The following EP400 variants were observed in gnomAD, a reference collection of about 807,000 sequenced individuals.
EP400 encodes E1A-binding protein p400.
In EP400, 105 loss-of-function variants were observed where a neutral mutation model predicts 354.1. That is an observed-to-expected ratio of 0.30 (90% CI 0.25 to 0.35). The LOEUF is 0.35. Ranked by LOEUF, EP400 falls within the 10% of genes least tolerant of loss-of-function variation. The pLI is 1.00. For synonymous variants in EP400, 1,646 were observed against 1,716.9 expected (o/e 0.96, Z 1.02); for missense variants, 3,280 against 4,121.0 (o/e 0.80, Z 5.59).
At position 132,055,006 on chromosome 12, in the gene EP400, G is replaced by C. The variant is rs531269873; in HGVS notation, c.7761G>C (p.Thr2587=). 5 of 1,613,834 alleles carry C rather than the reference G, an allele frequency of 3.1e-6. No homozygotes were observed. The highest frequency in any genetic ancestry group is 1.3e-5 in the African/African-American group (1 of 74,936). The change falls in exon 44 of 53, where the codon ACG becomes ACC. Residue 2587 remains threonine (T), a synonymous_variant. Coordinates refer to ENST00000389561, the MANE Select transcript of EP400 (RefSeq NM_015409.5). ...CCATTAAAACATCAGTTACTGGGAC[G>C]AGCATGCCCACTGGTAAGACAAATA... is the stretch of plus-strand genomic sequence containing the variant. ...AGTIKTSVTG[T]SMPTGAVSGN...
intron 21 of EP400, 84 bp from the exon 22 acceptor site, chr12:132,019,965 G>A (rs1004397054): frequency 1.1e-5 from 15 of 1,394,284 alleles, no homozygotes; most frequent in East Asian, 5.4e-5. Flanking sequence ...TATGGGCAGC[G>A]GTGAACCCCG....
intron 2 of EP400, among the ~76,000 whole-genome samples, chr12:131,964,494 CCAAA>C (rs1405159627): frequency 3.3e-5 from 5 of 152,208 alleles, no homozygotes; most frequent in East Asian, 1.9e-4. Context: ...CAAACAAAAA[CCAAA>C]CAAACCATCA....
chr12:132,031,850 C>T (rs1894516902), intron 29 of EP400, 103 bp from the exon 30 acceptor site: 28 of 1,276,514 alleles, frequency 2.2e-5, no homozygotes, highest in South Asian at 4.2e-5. Context: ...CCGCCACGCC[C>T]GGCCTGCTGT....
Position 132,006,776 on chromosome 12 carries a change from A to G in EP400, c.3203A>G (p.Lys1068Arg). The G allele has an allele frequency of 1.9e-6, 3 of 1,614,208 alleles. No homozygotes were observed. Among genetic ancestry groups the G allele is most frequent in the Non-Finnish European group, 2.5e-6 (3 of 1,180,046 alleles). The stretch of plus-strand genomic sequence containing the variant: ...AAGATTGGCCTGGACTGGCTGGCCA[A>G]ACTTTACAGGAAGAATCTCAATGGC... ...YQKIGLDWLA[K>R]LYRKNLNGIL... The change falls in exon 15 of 53, where the codon AAA (lysine) becomes AGA (arginine). Residue 1068 changes from lysine to arginine, a missense_variant. By Grantham distance (26) the Lys-to-Arg change is conservative. Coordinates refer to ENST00000389561, the MANE Select transcript of EP400 (RefSeq NM_015409.5).
intron 1 of EP400, among the ~76,000 whole-genome samples, chr12:131,958,557 G>C (rs1198144209): frequency 2.0e-5 from 3 of 152,206 alleles, no homozygotes; most frequent in Non-Finnish European, 4.4e-5. Context: ...TATACGTTTT[G>C]TAACTTCTTT....
At chr12:132,072,093 G>A (rs1270962560) in intron 51 of EP400, among the ~76,000 whole-genome samples, 4 of 152,146 alleles carry the variant, frequency 2.6e-5, no homozygotes, top group Non-Finnish European at 5.9e-5. Flanking sequence ...ACGGCATCGG[G>A]GCAGCTCAGC....
chr12:132,073,673 G>A (rs1896136036), intron 51 of EP400, among the ~76,000 whole-genome samples: 1 of 151,756 alleles, frequency 6.6e-6, no homozygotes, highest in South Asian at 2.1e-4. Context: ...GGCTAGTCTC[G>A]AACTCCTGAC....
chr12:131,986,578 C>G lies in EP400; in HGVS notation c.1994C>G (p.Ser665Cys). The part of the protein sequence containing the change: ...APPCPRPLPT[S>C]STSSLAPVSG... The stretch of plus-strand genomic sequence containing the variant: ...CCCTGCCCACGGCCTCTGCCCACCT[C>G]TTCTACCTCGTCCCTCGCGCCTGTG... The change falls in exon 6 of 53, where the codon TCT (serine) becomes TGT (cysteine). Residue 665 changes from serine (S) to cysteine (C), a missense_variant. Ser to Cys is a moderately radical substitution (Grantham distance 112, BLOSUM62 -1). This residue lies in a region of EP400 where 800 missense variants were observed against 840.0 expected (regional missense o/e 0.95). Transcript: ENST00000389561. 1 of 1,614,026 alleles carries G rather than the reference C, an allele frequency of 6.2e-7. No individual in the cohort carries two copies. Among genetic ancestry groups the G allele is most frequent in the Non-Finnish European group, 8.5e-7 (1 of 1,179,964 alleles).
chr12:132,002,416 C>G (rs993544495), intron 12 of EP400, among the ~76,000 whole-genome samples: 2 of 152,030 alleles, frequency 1.3e-5, no homozygotes, highest in African/African-American at 2.4e-5. Flanking sequence ...GATTATGGTG[C>G]GCATTCTTGA....
intron 39 of EP400, among the ~76,000 whole-genome samples, chr12:132,047,591 T>C (rs1297836129): frequency 6.6e-6 from 1 of 152,096 alleles, no homozygotes; most frequent in East Asian, 1.9e-4. Context: ...GTCACAGAGA[T>C]CACATGCTTC....
chr12:131,992,749 A>G (rs1023965724), intron 11 of EP400, among the ~76,000 whole-genome samples: 1 of 152,184 alleles, frequency 6.6e-6, no homozygotes, highest in African/African-American at 2.4e-5. Flanking sequence ...CTGGATTTTT[A>G]GAGACAGAGT....
intron 47 of EP400, among the ~76,000 whole-genome samples, chr12:132,063,583 T>TA (rs1420621015): frequency 6.6e-6 from 1 of 152,154 alleles, no homozygotes; most frequent in Non-Finnish European, 1.5e-5. Flanking sequence ...CAGAGACACA[T>TA]ACGGAATAAA....
intron 47 of EP400, among the ~76,000 whole-genome samples, chr12:132,064,382 T>C (rs929010728): frequency 6.6e-6 from 1 of 152,268 alleles, no homozygotes; most frequent in Non-Finnish European, 1.5e-5. Flanking sequence ...TGGTTGGTGC[T>C]ACAGATTTAA....
rs141441867 is a variant in EP400 at position 132,020,123 on chromosome 12, G to A, written c.4352G>A (p.Arg1451Gln). The A allele has an allele frequency of 2.7e-5, 44 of 1,610,732 alleles. No homozygotes were observed. In the East Asian group the frequency reaches 5.4e-4, roughly 20 times the overall value. The change falls in exon 22 of 53, where the codon CGG becomes CAG. Residue 1451 changes from arginine to glutamine, a missense_variant. Around this residue, in one of 20 missense-constraint regions of EP400, gnomAD observed 342 missense variants for 342.7 expected, o/e 1.00. Coordinates refer to ENST00000389561, the MANE Select transcript of EP400 (RefSeq NM_015409.5). ...GCTTTCCCCAGCACTCACCCGCCCC[G>A]GACGGCAGCCCCCACCACGGCCTCT... Reference protein sequence around the residue: ...TVAFPSTHPPRTAAPTTASAA... With the variant: ...TVAFPSTHPPQTAAPTTASAA...
At chr12:131,964,891 G>A (rs981614566) in intron 2 of EP400, among the ~76,000 whole-genome samples, 4 of 152,218 alleles carry the variant, frequency 2.6e-5, no homozygotes, top group African/African-American at 9.6e-5. Flanking sequence ...TCTCAAGGAT[G>A]TCCTTCATAG....
chr12:132,028,038 A>G lies in EP400; in HGVS notation c.5131A>G (p.Lys1711Glu), dbSNP rs1433924603. The G allele has an allele frequency of 1.2e-6, 2 of 1,613,678 alleles. No homozygotes were observed. The highest frequency in any genetic ancestry group is 1.7e-6 in the Non-Finnish European group (2 of 1,179,692). The change falls in exon 27 of 53, where the codon AAA becomes GAA. Residue 1711 changes from lysine to glutamate, a missense_variant. By Grantham distance (56) the Lys-to-Glu change is moderately conservative. Coordinates refer to ENST00000389561, the MANE Select transcript of EP400 (RefSeq NM_015409.5). ...PTQEEKTRLL[K>E]ERLDQIYLVN... ...AAAGGAGGAAAAGACCAGACTCTTG[A>G]AAGAGCGCCTGGATCAGATTTATTT...
In EP400 at chr12:132,050,307, G is replaced by A. The variant is rs774560154; in HGVS notation, c.7201-16G>A. ...TGCTGCCTAATTCAGATGCACTCTCGTCAATTTCATTGCAGAGTAAAAACA... is the reference window on the plus strand; with the variant it reads ...TGCTGCCTAATTCAGATGCACTCTCATCAATTTCATTGCAGAGTAAAAACA... On this transcript the variant is annotated splice_polypyrimidine_tract_variant and intron_variant, in intron 39 of 52. Transcript: ENST00000389561. The surrounding 1 kb of genome is among the most constrained non-coding windows in gnomAD (Gnocchi z 4.8). 1.1e-5 allele frequency: 17 copies of A among 1,613,694 alleles called. No homozygotes were observed. Among genetic ancestry groups the A allele is most frequent in the South Asian group, 6.6e-5 (6 of 91,028 alleles).
In EP400 at chr12:132,050,369, A is replaced by C; in HGVS notation, c.7247A>C (p.Asp2416Ala). 6.2e-7 allele frequency: 1 copy of C among 1,614,122 alleles called. No homozygotes were observed. The highest frequency in any genetic ancestry group is 8.5e-7 in the Non-Finnish European group (1 of 1,180,024). Residue 2416 changes from aspartate (D) to alanine (A), a missense_variant, in exon 40 of 53, where the codon GAT becomes GCT. By Grantham distance (126) the Asp-to-Ala change is moderately radical. Around this residue, in one of 20 missense-constraint regions of EP400, gnomAD observed 84 missense variants for 133.0 expected, o/e 0.63. Transcript: ENST00000389561. This position sits in a 1 kb window ranked among gnomAD's most constrained non-coding sequence, Gnocchi z 4.8. ...PLRTSQIYAQ[D>A]ENATHTQLYT... ...CGTACGAGCCAGATCTATGCCCAGGATGAGAATGCCACACACACCCAGCTG... is the reference window on the plus strand; with the variant it reads ...CGTACGAGCCAGATCTATGCCCAGGCTGAGAATGCCACACACACCCAGCTG...
In EP400 at chr12:131,963,584, C is replaced by T. The variant is rs1457766264; in HGVS notation, c.1335+1630C>T. ...CAGACTGGGACTCCCGTTGCTATAG[C>T]AACCCAGCTTCCGCCAAAGGTTTCT... On this transcript the variant is annotated intron_variant, in intron 2 of 52. Coordinates refer to ENST00000389561, the MANE Select transcript of EP400 (RefSeq NM_015409.5). The T allele has an allele frequency of 1.9e-6, 3 of 1,598,466 alleles. No homozygotes were observed. The East Asian group carries it at 6.7e-5, about 36-fold the overall frequency.
Sources: allele counts gnomAD v4.1 joint callset (sites outside exome capture counted in the v4.1 genomes callset), GRCh38; gene constraint gnomAD v4.1.1; regional missense constraint gnomAD v4.1.1; non-coding constraint Gnocchi (gnomAD v3.1); transcripts MANE v1.5; gene names NCBI Gene and HGNC (gene_info 2026-07-23, HGNC 2026-07-21).